NAALADL2: variants seen among roughly 807,000 people sequenced by gnomAD.
NAALADL2 encodes the protein N-acetylated alpha-linked acidic dipeptidase like 2, also known as inactive N-acetylated-alpha-linked acidic dipeptidase-like protein 2.
A neutral mutation model predicts 87.2 loss-of-function variants in NAALADL2; 76 were observed. The ratio of observed to expected loss-of-function variants is 0.87; its 90% CI spans 0.72 to 1.05. NAALADL2 has a LOEUF of 1.05. Among genes scored for constraint, NAALADL2 ranks in the 50% least tolerant of loss-of-function variants. The pLI is 0.00. For missense variants in NAALADL2, 1,089 were observed against 945.8 expected, an observed-to-expected ratio of 1.15 and a Z score of -1.99; for synonymous variants, 354 against 331.0, an observed-to-expected ratio of 1.07 and a Z score of -0.75.
chr3:175,022,184 A>T (rs909417984), intron 1 of NAALADL2, among the ~76,000 whole-genome samples: 4 of 152,050 alleles, frequency 2.6e-5, no homozygotes, highest in Admixed American at 2.6e-4. Flanking sequence ...GTATAGCCTG[A>T]AGAATGGTGA....
intron 2 of NAALADL2, among the ~76,000 whole-genome samples, chr3:175,231,055 C>T (rs1744867131): frequency 6.6e-6 from 1 of 151,956 alleles, no homozygotes; most frequent in South Asian, 2.1e-4. Flanking sequence ...GAATCTCAGA[C>T]ACCCAATATT....
At chr3:174,877,303 A>T (rs1450265488) in intron 1 of NAALADL2, among the ~76,000 whole-genome samples, 1 of 152,120 alleles carries the variant, frequency 6.6e-6, no homozygotes, top group Non-Finnish European at 1.5e-5. Context: ...TTCAGTACTG[A>T]TGGTTAACAA....
chr3:174,463,754 C>T (rs1051139695), intron 1 of NAALADL2, among the ~76,000 whole-genome samples: 4 of 151,978 alleles, frequency 2.6e-5, no homozygotes, highest in African/African-American at 9.7e-5. Flanking sequence ...GCGCCCACCA[C>T]CACGCCTGGC....
At chr3:175,145,134 A>G (rs1730563892) in intron 2 of NAALADL2, among the ~76,000 whole-genome samples, 1 of 151,950 alleles carries the variant, frequency 6.6e-6, no homozygotes, top group African/African-American at 2.4e-5. Context: ...AGGCAGGGTA[A>G]TTTTCCTTAG....
intron 5 of NAALADL2, among the ~76,000 whole-genome samples, chr3:175,417,005 A>G (rs1376505555): frequency 2.6e-5 from 4 of 151,520 alleles, no homozygotes; most frequent in Non-Finnish European, 5.9e-5. Flanking sequence ...TTTATAGAGC[A>G]CTAAGCAATT....
chr3:174,803,194 C>T (rs1279098305), intron 3 of NAALADL2, among the ~76,000 whole-genome samples: 1 of 152,100 alleles, frequency 6.6e-6, no homozygotes, highest in Non-Finnish European at 1.5e-5. Flanking sequence ...GATGGTATCT[C>T]ATTGTGATTT....
intron 3 of NAALADL2, among the ~76,000 whole-genome samples, chr3:175,241,620 A>C (rs377264583): frequency 3.9e-5 from 6 of 152,330 alleles, no homozygotes; most frequent in African/African-American, 1.4e-4. Flanking sequence ...TTTAGACAGG[A>C]CCATTTACAA....
intron 3 of NAALADL2, among the ~76,000 whole-genome samples, chr3:174,812,549 T>G (rs1164936182): frequency 2.0e-5 from 3 of 152,212 alleles, no homozygotes; most frequent in Non-Finnish European, 4.4e-5. Flanking sequence ...CTTCTTCTAC[T>G]TATAAAAAAT....
At chr3:175,543,112 C>T (rs77435753) in intron 9 of NAALADL2, among the ~76,000 whole-genome samples, 2 of 152,264 alleles carry the variant, frequency 1.3e-5, no homozygotes, top group East Asian at 3.9e-4. Flanking sequence ...AGAAGCAACT[C>T]ACTGTTTCAC....
chr3:175,263,910 G>A (rs946005699), intron 4 of NAALADL2, among the ~76,000 whole-genome samples: 11 of 151,682 alleles, frequency 7.3e-5, no homozygotes, highest in African/African-American at 2.7e-4. Flanking sequence ...AAACTGTTGG[G>A]CAATTACTTG....
chr3:174,763,315 G>T (rs1018327393), intron 3 of NAALADL2, among the ~76,000 whole-genome samples: 2 of 151,874 alleles, frequency 1.3e-5, no homozygotes, highest in African/African-American at 4.8e-5. Flanking sequence ...TTGGCCGGGC[G>T]CAGTGGCTCA....
intron 2 of NAALADL2, among the ~76,000 whole-genome samples, chr3:174,638,064 G>A (rs1393269640): frequency 6.6e-6 from 1 of 152,078 alleles, no homozygotes; most frequent in Non-Finnish European, 1.5e-5. Flanking sequence ...GTAATAGGCT[G>A]ATGATTGAAT....
intron 5 of NAALADL2, among the ~76,000 whole-genome samples, chr3:175,430,333 AC>A (rs145976553): frequency 0.022 from 3,391 of 151,968 alleles, 147 homozygotes; most frequent in East Asian, 0.14. Flanking sequence ...ATGATTGTTA[AC>A]CTATATATGT....
intron 9 of NAALADL2, among the ~76,000 whole-genome samples, chr3:175,502,554 C>G (rs148818544): frequency 0.025 from 3,811 of 152,214 alleles, 83 homozygotes; most frequent in Middle Eastern, 0.065. Context: ...ACCATCAGCT[C>G]TCTTTGCTTT....
At chr3:174,677,618 CACA>C (rs1340116971) in intron 2 of NAALADL2, among the ~76,000 whole-genome samples, 1 of 152,090 alleles carries the variant, frequency 6.6e-6, no homozygotes, top group African/African-American at 2.4e-5. Context: ...AATCTCTAGT[CACA>C]ACATTTTTAT....
chr3:175,006,343 A>G (rs564175611), intron 1 of NAALADL2, among the ~76,000 whole-genome samples: 40 of 152,272 alleles, frequency 2.6e-4, no homozygotes, highest in Non-Finnish European at 3.7e-4. Context: ...TCTATATACT[A>G]TACTTTCCTT....
At chr3:174,457,967 G>A (rs1053189896) in intron 1 of NAALADL2, among the ~76,000 whole-genome samples, 4 of 152,088 alleles carry the variant, frequency 2.6e-5, no homozygotes, top group South Asian at 2.1e-4. Flanking sequence ...AGAGGTGAAT[G>A]ACAGACACGT....
At chr3:175,577,395 T>C (rs1719056250) in intron 10 of NAALADL2, among the ~76,000 whole-genome samples, 1 of 152,198 alleles carries the variant, frequency 6.6e-6, no homozygotes, top group Non-Finnish European at 1.5e-5. Context: ...CTAAACTTTT[T>C]AGATAGGAAC....
chr3:174,468,762 C>CTT (rs541184155), intron 1 of NAALADL2, among the ~76,000 whole-genome samples: 14 of 130,134 alleles, frequency 1.1e-4, no homozygotes, highest in South Asian at 5.0e-4. Flanking sequence ...TAACTATATT[C>CTT]TTTTTTTTTT....
Sources: allele counts gnomAD v4.1 joint callset (sites outside exome capture counted in the v4.1 genomes callset), GRCh38; gene constraint gnomAD v4.1.1; transcripts MANE v1.5; gene names NCBI Gene and HGNC (gene_info 2026-07-23, HGNC 2026-07-21).